DAB2IP: variants seen among roughly 807,000 people sequenced by gnomAD.
DAB2IP encodes the protein DAB2 interacting protein, also known as disabled homolog 2-interacting protein.
A neutral mutation model predicts 107.2 loss-of-function variants in DAB2IP; 28 were observed. The observed-to-expected ratio is 0.26, with a 90% CI of 0.19 to 0.36. The LOEUF (loss-of-function observed/expected upper bound fraction) is 0.36, where lower values mean the gene tolerates loss of function less well. Among genes scored for constraint, DAB2IP ranks in the 10% least tolerant of loss-of-function variants. DAB2IP has a pLI of 1.00. For synonymous variants in DAB2IP, 755 were observed against 706.4 expected (o/e 1.07, Z -1.09); for missense variants, 1,400 against 1,644.7 (o/e 0.85, Z 2.57).
chr9:121,731,214 T>A (rs1038508484), intron 3 of DAB2IP, among the ~76,000 whole-genome samples: 1 of 152,190 alleles, frequency 6.6e-6, no homozygotes, highest in African/African-American at 2.4e-5. Flanking sequence ...AGACCGGGTG[T>A]CTTGTTCACC....
chr9:121,601,589 C>T (rs1218570001), intron 1 of DAB2IP, among the ~76,000 whole-genome samples: 1 of 152,208 alleles, frequency 6.6e-6, no homozygotes, highest in Non-Finnish European at 1.5e-5. Context: ...GCATTCAACA[C>T]ACAGGCACTG....
intron 3 of DAB2IP, among the ~76,000 whole-genome samples, chr9:121,711,360 G>T (rs1275191010): frequency 2.6e-5 from 4 of 152,158 alleles, no homozygotes; most frequent in African/African-American, 9.7e-5. Context: ...GGGTGATTGT[G>T]TGCTCAAATA....
At chr9:121,586,904 G>A (rs1830323966) in intron 1 of DAB2IP, among the ~76,000 whole-genome samples, 1 of 152,136 alleles carries the variant, frequency 6.6e-6, no homozygotes, top group African/African-American at 2.4e-5. Flanking sequence ...GTTGGGCATG[G>A]TAATTCCAAG....
intron 1 of DAB2IP, among the ~76,000 whole-genome samples, chr9:121,639,258 C>G (rs1159952461): frequency 1.3e-5 from 2 of 152,186 alleles, no homozygotes; most frequent in Non-Finnish European, 2.9e-5. Context: ...ACTCTGCCCT[C>G]TCTGAGCTTT....
Position 121,737,310 on chromosome 9 carries a change from A to G in DAB2IP, c.363-19703A>G, listed in dbSNP as rs931485238. On this transcript the variant is annotated intron_variant, in intron 3 of 15. Coordinates refer to ENST00000408936, the Ensembl canonical transcript of DAB2IP. ...TGTGCCATGTGGTTACCTGCATGGA[A>G]GACGGTAATTTTCCACTTGTTTCCT... 3.0e-6 allele frequency: 3 copies of G among 985,348 alleles called. No individual in the cohort carries two copies. The African/African-American group carries it at 5.2e-5, about 17-fold the overall frequency. The allele number at this position is 985,348 out of a possible 1,614,324, so 61.0% of individuals were successfully genotyped here. A position where few individuals can be genotyped will look rare whatever the true frequency, so the allele number is the denominator to read the frequency against.
intron 10 of DAB2IP, among the ~76,000 whole-genome samples, chr9:121,768,943 C>T (rs1001742225): frequency 7.9e-5 from 12 of 152,178 alleles, no homozygotes; most frequent in African/African-American, 1.7e-4. Flanking sequence ...AGAATTGGAT[C>T]GTGAATCCGC....
intron 1 of DAB2IP, among the ~76,000 whole-genome samples, chr9:121,658,726 G>A (rs1359128500): frequency 6.6e-6 from 1 of 152,204 alleles, no homozygotes; most frequent in Admixed American, 6.5e-5. Context: ...CCTCGGTCTA[G>A]ACAGACCACC....
chr9:121,570,103 T>TTC, intron 1 of DAB2IP, among the ~76,000 whole-genome samples: 1 of 135,286 alleles, frequency 7.4e-6, no homozygotes, highest in African/African-American at 3.0e-5. Flanking sequence ...CCTTTTCTCT[T>TTC]TCTCTTTTTT....
intron 1 of DAB2IP, among the ~76,000 whole-genome samples, chr9:121,580,719 GGT>G (rs1415392848): frequency 6.6e-6 from 1 of 152,110 alleles, no homozygotes; most frequent in Non-Finnish European, 1.5e-5. Flanking sequence ...CCGCCTCTCA[GGT>G]TCACGCCATT....
intron 3 of DAB2IP, among the ~76,000 whole-genome samples, chr9:121,724,490 T>C (rs771628840): frequency 2.6e-5 from 4 of 152,242 alleles, no homozygotes; most frequent in Non-Finnish European, 5.9e-5. Flanking sequence ...TCTCTAGCTG[T>C]TGAGTTCACC....
intron 11 of DAB2IP, among the ~76,000 whole-genome samples, chr9:121,771,962 A>G (rs959694791): frequency 5.3e-5 from 8 of 152,016 alleles, no homozygotes; most frequent in African/African-American, 1.9e-4. Flanking sequence ...GGGAGGGGCC[A>G]GGGAGAGGCC....
chr9:121,778,766 C>T (rs1024836187), intron 14 of DAB2IP, among the ~76,000 whole-genome samples: 2 of 152,244 alleles, frequency 1.3e-5, no homozygotes, highest in African/African-American at 4.8e-5. Flanking sequence ...CAAAAACAGG[C>T]AATGGTCCAG....
chr9:121,755,405 C>T (rs1394273003), intron 3 of DAB2IP, among the ~76,000 whole-genome samples: 2 of 152,216 alleles, frequency 1.3e-5, no homozygotes, highest in Non-Finnish European at 2.9e-5. Context: ...GGGGAGGGTT[C>T]CCCCCTGTCT....
intron 14 of DAB2IP, among the ~76,000 whole-genome samples, chr9:121,780,164 G>GGC (rs1835502712): frequency 6.6e-6 from 1 of 152,222 alleles, no homozygotes; most frequent in African/African-American, 2.4e-5. Context: ...GAGATTATAG[G>GGC]CGTGAGCCAA....
chr9:121,717,681 G>A (rs1211619864), intron 3 of DAB2IP, among the ~76,000 whole-genome samples: 3 of 152,192 alleles, frequency 2.0e-5, no homozygotes, highest in Non-Finnish European at 4.4e-5. Context: ...ACCACATGCC[G>A]GGCACTGAGA....
chr9:121,650,460 C>T (rs574096876), upstream of DAB2IP, among the ~76,000 whole-genome samples: 12 of 152,344 alleles, frequency 7.9e-5, no homozygotes, highest in East Asian at 2.1e-3. Context: ...CCCACCTTCC[C>T]CACTGTTCTG....
chr9:121,725,394 T>G (rs1446489598), intron 3 of DAB2IP, among the ~76,000 whole-genome samples: 3 of 152,044 alleles, frequency 2.0e-5, no homozygotes, highest in African/African-American at 7.2e-5. Flanking sequence ...GGGCTTATGG[T>G]CAGGTCTATC....
chr9:121,617,388 C>T (rs1422999061), intron 1 of DAB2IP, among the ~76,000 whole-genome samples: 1 of 152,196 alleles, frequency 6.6e-6, no homozygotes, highest in Non-Finnish European at 1.5e-5. Flanking sequence ...AAATGCTCCC[C>T]TAGCTAATTC....
At chr9:121,687,491 C>T (rs1235388433) in intron 2 of DAB2IP, among the ~76,000 whole-genome samples, 1 of 152,192 alleles carries the variant, frequency 6.6e-6, no homozygotes, top group East Asian at 1.9e-4. Flanking sequence ...GCACCTGTTC[C>T]ACCTACCACT....
Sources: allele counts gnomAD v4.1 joint callset (sites outside exome capture counted in the v4.1 genomes callset), GRCh38; gene constraint gnomAD v4.1.1; transcripts MANE v1.5; gene names NCBI Gene and HGNC (gene_info 2026-07-23, HGNC 2026-07-21).